Variants in CCDC51 observed in about 807,000 individuals in gnomAD.
CCDC51 encodes the protein coiled-coil domain containing 51.
A neutral mutation model predicts 24.8 loss-of-function variants in CCDC51; 25 were observed. That is an observed-to-expected ratio of 1.01 (90% confidence interval 0.73 to 1.41). CCDC51 has a LOEUF of 1.41. Among genes scored for constraint, CCDC51 ranks in the 40% most tolerant of loss-of-function variants. CCDC51 has a pLI of 0.00. For synonymous variants in CCDC51, 190 were observed against 204.3 expected (o/e 0.93, Z 0.60); for missense variants, 466 against 519.1 (o/e 0.90, Z 0.99).
Position 48,433,720 on chromosome 3 carries a change from TGCTCGAGAGTAG to T in CCDC51, c.452_463del (p.Ala151_His155delinsAsp). 6.2e-7 allele frequency: 1 copy of T among 1,613,764 alleles called. No homozygotes were observed. The highest frequency in any genetic ancestry group is 8.5e-7 in the Non-Finnish European group (1 of 1,179,816). ...TGAGGTGCCTACCTGCAGCATCCTGTGCTCGAGAGTAGCCAGTTCCAAGTACTGACTGTCCTC... is the reference window on the plus strand; with the variant it reads ...TGAGGTGCCTACCTGCAGCATCCTGTCCAGTTCCAAGTACTGACTGTCCTC... On this transcript the variant is annotated inframe_deletion, in exon 3 of 4. Coordinates refer to ENST00000395694, the MANE Select transcript of CCDC51 (RefSeq NM_001256964.2). The surrounding 1 kb of genome is among the most constrained non-coding windows in gnomAD (Gnocchi z 4.4).
In CCDC51 at chr3:48,437,960, T is replaced by C. The variant is rs79405657; in HGVS notation, c.-9+2028A>G. On this transcript the variant is annotated intron_variant, in intron 1 of 3. Coordinates refer to ENST00000395694, the MANE Select transcript of CCDC51 (RefSeq NM_001256964.2). This position sits in a 1 kb window ranked among gnomAD's most constrained non-coding sequence, Gnocchi z 4.2. ...CCCCACCAGCAACTGCCCCATTTCT[T>C]TGGTTTCCTTTATAACCAAACTCCT... The C allele has an allele frequency of 0.027, 4,090 of 152,356 alleles. 161 individuals are homozygous for C. Among genetic ancestry groups the C allele is most frequent in the African/African-American group, 0.092 (3,821 of 41,510 alleles). The allele number at this position is 152,356 out of a possible 1,614,324, so 9.4% of individuals were successfully genotyped here. A position where few individuals can be genotyped will look rare whatever the true frequency, so the allele number is the denominator to read the frequency against.
At chr3:48,441,567 C>G (rs1406423362), upstream of CCDC51, among the ~76,000 whole-genome samples, 3 of 151,792 alleles carry the variant, frequency 2.0e-5, no homozygotes, top group African/African-American at 7.3e-5. Flanking sequence ...CTGGGTATGC[C>G]TAGACTAAAA....
chr3:48,444,356 T>G (rs115229061), upstream of CCDC51: 1,394 of 152,594 alleles, frequency 9.1e-3, 7 homozygotes, highest in Non-Finnish European at 0.014. Context: ...CAATGCAACC[T>G]CCACCTCCCG....
chr3:48,440,198 T>G (rs930081578), upstream of CCDC51: 13 of 1,511,938 alleles, frequency 8.6e-6, no homozygotes, highest in Non-Finnish European at 1.1e-5. Flanking sequence ...ACTTCCTGAC[T>G]AGGAGCCAAT....
In CCDC51 at chr3:48,434,871, A is replaced by C. The variant is rs748540384; in HGVS notation, c.258T>G (p.Tyr86Ter). The C allele has an allele frequency of 2.5e-6, 4 of 1,613,936 alleles. No homozygotes were observed. Among genetic ancestry groups the C allele is most frequent in the Non-Finnish European group, 3.4e-6 (4 of 1,179,988 alleles). Reference protein sequence around the residue: ...TSTAKTWWDRYEEFVGLNEVR... With the variant: ...TSTAKTWWDR ...CCTCGTTGAGTCCAACAAACTCTTC[A>C]TATCTGTCCCACCAAGTCTTGGCTG... Residue 86 changes from tyrosine to a stop codon, truncating the protein, a stop_gained, in exon 2 of 4, where the codon TAT becomes TAG. Transcript: ENST00000395694. LOFTEE classifies it high-confidence loss of function.
chr3:48,438,850 T>C (rs1051977691), intron 1 of CCDC51, among the ~76,000 whole-genome samples: 1 of 152,220 alleles, frequency 6.6e-6, no homozygotes, highest in Non-Finnish European at 1.5e-5. Flanking sequence ...TAAAAGCCTG[T>C]CTTTTCCATG....
At chr3:48,444,645 T>G (rs2039634242), upstream of CCDC51, among the ~76,000 whole-genome samples, 1 of 152,252 alleles carries the variant, frequency 6.6e-6, no homozygotes, top group Admixed American at 6.5e-5. Context: ...TTGATGAGAC[T>G]TGTTCATCTG....
intron 1 of CCDC51, among the ~76,000 whole-genome samples, chr3:48,436,304 A>G (rs560841298): frequency 5.3e-5 from 8 of 152,286 alleles, no homozygotes; most frequent in Non-Finnish European, 1.2e-4. Context: ...ATGGAAGGTG[A>G]TATGAGACAG....
chr3:48,438,113 T>C (rs2039412646), intron 1 of CCDC51: 1 of 152,254 alleles, frequency 6.6e-6, no homozygotes, highest in African/African-American at 2.4e-5. Context: ...CCCACTCATC[T>C]GCCTAACCTC....
rs571140624 is a variant in CCDC51, at chr3:48,436,630, A to C, written c.-8-1494T>G. On this transcript the variant is annotated intron_variant, in intron 1 of 3. Transcript: ENST00000395694. ...CCCATGACACACAGGCTGAGATCCT[A>C]TAACACCCCTGCAGGTGTATCCTTC... Among the ~76,000 whole-genome samples, 6 of 152,364 alleles carry C rather than the reference A, an allele frequency of 3.9e-5. No homozygotes were observed. In the East Asian group the frequency reaches 9.6e-4, roughly 24 times the overall value.
upstream of CCDC51, among the ~76,000 whole-genome samples, chr3:48,442,602 C>T (rs956369179): frequency 8.6e-5 from 13 of 151,884 alleles, no homozygotes; most frequent in African/African-American, 3.1e-4. Context: ...CAGGCGCACA[C>T]CACCATGCCC....
rs370066515 is a variant in CCDC51, at chr3:48,434,979, C to T, written c.150G>A (p.Glu50=). 5.6e-6 allele frequency: 9 copies of T among 1,614,158 alleles called. No individual in the cohort carries two copies. Among genetic ancestry groups the T allele is most frequent in the Non-Finnish European group, 7.6e-6 (9 of 1,180,066 alleles). Residue 50 remains glutamate (E), a synonymous_variant, in exon 2 of 4, where the codon GAG becomes GAA. Transcript: ENST00000395694. Reference sequence around the variant, plus strand: ...GGTGGTGCAGCCCCAGGGCCACCTCCTCAGGTCTTTTCTCTCCGGGCTGGC... The same window carrying T: ...GGTGGTGCAGCCCCAGGGCCACCTCTTCAGGTCTTTTCTCTCCGGGCTGGC... The part of the protein sequence containing the change: ...GPSQPGEKRP[E]EVALGLHHRL...
chr3:48,445,408 C>A (rs2039651651), upstream of CCDC51, among the ~76,000 whole-genome samples: 2 of 152,190 alleles, frequency 1.3e-5, no homozygotes, highest in Non-Finnish European at 2.9e-5. Flanking sequence ...TGGTCCTCTC[C>A]AGAAAGTTGC....
rs890640529 is a variant in CCDC51 at position 48,440,002 on chromosome 3, C to T, written c.-23G>A. ...CTGCTGTCTACCTGCAGTGCTCTTC[C>T]CGCGCACGGCCACAGGCCTGGTAGG... On this transcript the variant is annotated 5_prime_UTR_variant, in exon 1 of 4. Transcript: ENST00000395694. 1.0e-5 allele frequency: 5 copies of T among 494,328 alleles called. No individual in the cohort carries two copies. Among genetic ancestry groups the T allele is most frequent in the Non-Finnish European group, 1.8e-5 (5 of 281,040 alleles). The allele number at this position is 494,328 out of a possible 1,614,324, so 30.6% of individuals were successfully genotyped here.
At position 48,440,100 on chromosome 3, in the gene CCDC51, C is replaced by G. The variant is rs971279144; in HGVS notation, c.-121G>C. ...GACAACCCTAGCTCCTCGTACCTGG[C>G]GTGGCCCGACCAATCGTCTGCCACT... On this transcript the variant is annotated 5_prime_UTR_variant, in exon 1 of 4. Coordinates refer to ENST00000395694, the MANE Select transcript of CCDC51 (RefSeq NM_001256964.2). The G allele has an allele frequency of 4.7e-6, 4 of 851,080 alleles. No individual in the cohort carries two copies. In the African/African-American group the frequency reaches 6.8e-5, roughly 15 times the overall value. The allele number at this position is 851,080 out of a possible 1,614,324, so 52.7% of individuals were successfully genotyped here. A position where few individuals can be genotyped will look rare whatever the true frequency, so the allele number is the denominator to read the frequency against.
At chr3:48,440,395 G>A (rs1451201900), upstream of CCDC51, 3 of 1,611,646 alleles carry the variant, frequency 1.9e-6, no homozygotes, top group Admixed American at 5.0e-5. Flanking sequence ...TGCTCGTGTC[G>A]CCCACAGGTG....
At position 48,433,021 on chromosome 3, in the gene CCDC51, G is replaced by A. The variant is rs2039233169; in HGVS notation, c.623C>T (p.Ser208Leu). Residue 208 changes from serine to leucine, a missense_variant, in exon 4 of 4, where the codon TCA (serine) becomes TTA (leucine). Physicochemically the swap from Ser to Leu is moderately radical, Grantham distance 145. Coordinates refer to ENST00000395694, the MANE Select transcript of CCDC51 (RefSeq NM_001256964.2). The surrounding 1 kb of genome is among the most constrained non-coding windows in gnomAD (Gnocchi z 4.4). ...ERTKNWSLIG[S>L]VLGALIGVAG... ...CACACCAATCAGGGCCCCCAGGACT[G>A]AGCCAATGAGGGACCAGTTCTTGGT... 5.6e-6 allele frequency: 9 copies of A among 1,614,102 alleles called. No individual in the cohort carries two copies. The highest frequency in any genetic ancestry group is 1.7e-5 in the Admixed American group (1 of 60,016).
chr3:48,443,793 G>A (rs2039619954), upstream of CCDC51: 2 of 1,466,140 alleles, frequency 1.4e-6, no homozygotes, highest in African/African-American at 1.5e-5. Flanking sequence ...GGCCCGTGGG[G>A]CTTCTACCGT....
chr3:48,442,915 T>C (rs1332346117), upstream of CCDC51, among the ~76,000 whole-genome samples: 1 of 152,136 alleles, frequency 6.6e-6, no homozygotes, highest in African/African-American at 2.4e-5. Flanking sequence ...GATCCTGGCT[T>C]GTCACATACT....
Sources: gnomAD v4.1 joint callset for allele counts (sites outside exome capture counted in the v4.1 genomes callset) on GRCh38, gnomAD v4.1.1 for gene constraint, Gnocchi (gnomAD v3.1) non-coding constraint, MANE v1.5 for transcripts, NCBI Gene and HGNC (gene_info 2026-07-23, HGNC 2026-07-21) for gene names.